ZBTB20: variants seen among roughly 807,000 people sequenced by gnomAD.
ZBTB20 encodes zinc finger and BTB domain containing 20.
In ZBTB20, 9 loss-of-function variants were observed where a neutral mutation model predicts 56.9. That is an observed-to-expected ratio of 0.16 (90% confidence interval 0.10 to 0.28). The LOEUF (loss-of-function observed/expected upper bound fraction) is 0.28, where lower values mean the gene tolerates loss of function less well. ZBTB20 is among the 10% of genes least tolerant of loss of function. The pLI is 1.00. For synonymous variants in ZBTB20, 417 were observed against 420.7 expected, an observed-to-expected ratio of 0.99 and a Z score of 0.11; for missense variants, 655 against 1,003.0, an observed-to-expected ratio of 0.65 and a Z score of 4.69.
intron 11 of ZBTB20, among the ~76,000 whole-genome samples, chr3:114,345,901 AG>A (rs1250930121): frequency 3.3e-5 from 5 of 151,992 alleles, no homozygotes; most frequent in Admixed American, 2.6e-4. Flanking sequence ...CTCTTGATGA[AG>A]GGGGTAGAGG....
chr3:115,029,201 A>G (rs566969511), intron 2 of ZBTB20, among the ~76,000 whole-genome samples: 3 of 150,918 alleles, frequency 2.0e-5, no homozygotes, highest in Non-Finnish European at 3.0e-5. Flanking sequence ...ACTTATATGG[A>G]AAAAATGTTT....
chr3:114,808,194 G>T (rs1447089572), intron 4 of ZBTB20, among the ~76,000 whole-genome samples: 1 of 151,900 alleles, frequency 6.6e-6, no homozygotes, highest in African/African-American at 2.4e-5. Flanking sequence ...TTGGTAATTT[G>T]CGCATTTCTA....
chr3:115,040,084 T>C (rs773715010), intron 2 of ZBTB20, among the ~76,000 whole-genome samples: 24 of 152,254 alleles, frequency 1.6e-4, no homozygotes, highest in Middle Eastern at 6.8e-3. Context: ...CATAAATATA[T>C]ACAATTTCAT....
chr3:114,512,114 T>C (rs1044920683), intron 6 of ZBTB20, among the ~76,000 whole-genome samples: 3 of 151,910 alleles, frequency 2.0e-5, no homozygotes, highest in Non-Finnish European at 4.4e-5. Context: ...TCTGACTTCA[T>C]CTCCTAACAT....
At chr3:114,579,783 T>G (rs2054459683) in intron 6 of ZBTB20, among the ~76,000 whole-genome samples, 1 of 151,530 alleles carries the variant, frequency 6.6e-6, no homozygotes, top group Non-Finnish European at 1.5e-5. Flanking sequence ...TAAATAACTT[T>G]GTACAAATAA....
At chr3:114,714,818 A>G (rs1337883768) in intron 5 of ZBTB20, among the ~76,000 whole-genome samples, 1 of 152,230 alleles carries the variant, frequency 6.6e-6, no homozygotes, top group African/African-American at 2.4e-5. Context: ...TATGCAAAAC[A>G]ATGAATTTAG....
At chr3:114,609,643 G>T (rs1427763896) in intron 6 of ZBTB20, among the ~76,000 whole-genome samples, 1 of 152,142 alleles carries the variant, frequency 6.6e-6, no homozygotes, top group Non-Finnish European at 1.5e-5. Context: ...TAAGCACTTG[G>T]TTTAGTAGAC....
At chr3:114,552,974 G>C (rs73224509) in intron 6 of ZBTB20, among the ~76,000 whole-genome samples, 4 of 152,220 alleles carry the variant, frequency 2.6e-5, no homozygotes, top group Non-Finnish European at 5.9e-5. Context: ...GTGATGCTGG[G>C]TCACTCCAAG....
intron 5 of ZBTB20, chr3:114,759,264 G>A (rs571344118): frequency 6.6e-6 from 1 of 152,210 alleles, no homozygotes; most frequent in South Asian, 2.1e-4. Flanking sequence ...GAGGCTGGGA[G>A]GCTAGATTGC....
chr3:114,933,482 G>A (rs2076427189), intron 3 of ZBTB20, among the ~76,000 whole-genome samples: 1 of 152,186 alleles, frequency 6.6e-6, no homozygotes, highest in Admixed American at 6.5e-5. Context: ...GGTACTTTAA[G>A]CCTGCCCAAC....
chr3:114,405,690 T>C (rs1488278051), intron 7 of ZBTB20, among the ~76,000 whole-genome samples: 1 of 152,074 alleles, frequency 6.6e-6, no homozygotes, highest in Admixed American at 6.6e-5. Context: ...ATTAAACAGA[T>C]GGTAGGGCTC....
At chr3:115,015,127 T>C (rs984051780) in intron 2 of ZBTB20, among the ~76,000 whole-genome samples, 3 of 151,808 alleles carry the variant, frequency 2.0e-5, no homozygotes, top group Non-Finnish European at 4.4e-5. Context: ...TAGAAATCAT[T>C]GCTTATCATT....
intron 2 of ZBTB20, among the ~76,000 whole-genome samples, chr3:115,013,308 CT>C (rs1357770144): frequency 6.6e-6 from 1 of 151,384 alleles, no homozygotes; most frequent in Admixed American, 6.6e-5. Flanking sequence ...AATTGACAAA[CT>C]TTTAGACCCA....
rs751448298 is a variant in ZBTB20, at chr3:114,339,308, C to T, written c.1923G>A (p.Lys641=). The change falls in exon 12 of 12, where the codon AAG becomes AAA. Residue 641 remains lysine (K), a synonymous_variant. Transcript: ENST00000675478. This position sits in a 1 kb window ranked among gnomAD's most constrained non-coding sequence, Gnocchi z 4.2. ...TGAGGGAGCTCTTCTGGGTGAAGCGCTTGTTGCAGATACTACACTGGTATG... is the reference window on the plus strand; with the variant it reads ...TGAGGGAGCTCTTCTGGGTGAAGCGTTTGTTGCAGATACTACACTGGTATG... The part of the protein sequence containing the change: ...VRAYQCSICN[K]RFTQKSSLNV... 1.9e-6 allele frequency: 3 copies of T among 1,614,170 alleles called. No homozygotes were observed. The highest frequency in any genetic ancestry group is 2.2e-5 in the South Asian group (2 of 91,084).
At chr3:114,791,606 A>G (rs4682550) in intron 5 of ZBTB20, 149,785 of 152,328 alleles carry the variant, frequency 0.98, 73,693 homozygotes, top group East Asian at 1. Context: ...ACAATGCTAC[A>G]CATCTATCAC....
intron 6 of ZBTB20, among the ~76,000 whole-genome samples, chr3:114,542,614 C>A (rs1347099697): frequency 6.6e-6 from 1 of 152,052 alleles, no homozygotes; most frequent in African/African-American, 2.4e-5. Context: ...AGCTAAGTTA[C>A]CTTGTGTAAT....
At chr3:114,843,976 C>T (rs1212693147) in intron 4 of ZBTB20, among the ~76,000 whole-genome samples, 5 of 152,130 alleles carry the variant, frequency 3.3e-5, no homozygotes, top group Admixed American at 1.3e-4. Context: ...CGTGAGCCAC[C>T]GCACATGGCC....
intron 6 of ZBTB20, among the ~76,000 whole-genome samples, chr3:114,597,743 C>T (rs1173686884): frequency 2.0e-5 from 3 of 152,164 alleles, no homozygotes; most frequent in African/African-American, 7.2e-5. Context: ...TATTTTTCTA[C>T]ATCTGGCTCT....
intron 5 of ZBTB20, among the ~76,000 whole-genome samples, chr3:114,721,771 T>C (rs1273588631): frequency 6.6e-6 from 1 of 152,204 alleles, no homozygotes; most frequent in African/African-American, 2.4e-5. Flanking sequence ...TATAATTTGA[T>C]GACTGACTAC....
Sources: gnomAD v4.1 joint callset for allele counts (sites outside exome capture counted in the v4.1 genomes callset) on GRCh38, gnomAD v4.1.1 for gene constraint, Gnocchi (gnomAD v3.1) non-coding constraint, MANE v1.5 for transcripts, NCBI Gene and HGNC (gene_info 2026-07-23, HGNC 2026-07-21) for gene names.